DLGAP2: variants seen among roughly 807,000 people sequenced by gnomAD.
The protein encoded by DLGAP2 is DLG associated protein 2, also known as disks large-associated protein 2.
In DLGAP2, 26 loss-of-function variants were observed where a neutral mutation model predicts 100.3. The observed-to-expected ratio is 0.26, with a 90% CI of 0.19 to 0.36. DLGAP2 has a LOEUF of 0.36. Ranked by LOEUF, DLGAP2 falls within the 10% of genes least tolerant of loss-of-function variation. The probability of loss-of-function intolerance (pLI) is 1.00; values close to 1 mark genes in which losing one functional copy is unlikely to be tolerated. For synonymous variants in DLGAP2, 886 were observed against 630.1 expected (o/e 1.41, Z -6.08); for missense variants, 1,858 against 1,453.2 (o/e 1.28, Z -4.53).
intron 2 of DLGAP2, among the ~76,000 whole-genome samples, chr8:1,009,714 T>G (rs1801221123): frequency 6.6e-6 from 1 of 152,228 alleles, no homozygotes; most frequent in African/African-American, 2.4e-5. Context: ...AACCTTTTCC[T>G]TTCACCTGCT....
chr8:756,832 TAC>T lies in DLGAP2; in HGVS notation c.18+19013_18+19014del, dbSNP rs1448118566. On this transcript the variant is annotated intron_variant, in intron 1 of 14. Transcript: ENST00000637795. The stretch of plus-strand genomic sequence containing the variant: ...GGTCTCTCTCGGCTTGAAACCATCC[TAC>T]ACACAGCTGCCGGGATAATCTTTCT... Among the ~76,000 whole-genome samples, 5 of 152,286 alleles carry T rather than the reference TAC, an allele frequency of 3.3e-5. No individual in the cohort carries two copies. In the East Asian group the frequency reaches 9.7e-4, roughly 29 times the overall value.
At chr8:1,249,236 T>C (rs1283592159) in intron 2 of DLGAP2, among the ~76,000 whole-genome samples, 3 of 152,052 alleles carry the variant, frequency 2.0e-5, no homozygotes, top group Non-Finnish European at 4.4e-5. Context: ...TGGGAGCACA[T>C]TTCAGAAGCA....
intron 13 of DLGAP2, 76 bp downstream of exon 13, chr8:1,691,702 T>C: frequency 7.9e-7 from 1 of 1,273,200 alleles, no homozygotes; most frequent in East Asian, 2.4e-5. Flanking sequence ...CTCATTGTTT[T>C]CTTCCTTGTC....
chr8:738,538 C>T (rs1048393703), intron 1 of DLGAP2: 2 of 152,316 alleles, frequency 1.3e-5, no homozygotes, highest in Non-Finnish European at 2.9e-5. Context: ...ACTAAGCCTC[C>T]CCCGGCAGCG....
intron 2 of DLGAP2, among the ~76,000 whole-genome samples, chr8:1,116,707 G>A (rs573196904): frequency 6.6e-6 from 1 of 152,188 alleles, no homozygotes; most frequent in African/African-American, 2.4e-5. Context: ...TCTCAGAGGT[G>A]GAAGGATTGC....
intron 2 of DLGAP2, among the ~76,000 whole-genome samples, chr8:1,148,898 A>C (rs1447706116): frequency 6.6e-6 from 1 of 152,112 alleles, no homozygotes; most frequent in Non-Finnish European, 1.5e-5. Flanking sequence ...AAATTCTTTT[A>C]TTTCTGACTT....
At chr8:1,522,314 T>C (rs1172069574) in intron 4 of DLGAP2, among the ~76,000 whole-genome samples, 3 of 152,234 alleles carry the variant, frequency 2.0e-5, no homozygotes, top group African/African-American at 7.2e-5. Flanking sequence ...TGTGTTGAAA[T>C]ATGCCTTGTG....
At chr8:1,572,947 T>G (rs1298169014) in intron 6 of DLGAP2, among the ~76,000 whole-genome samples, 1 of 84,388 alleles carries the variant, frequency 1.2e-5, no homozygotes. Flanking sequence ...GGGTGAAGTA[T>G]TGGGGGCATC....
intron 4 of DLGAP2, among the ~76,000 whole-genome samples, chr8:1,526,904 C>T (rs1006074220): frequency 6.6e-6 from 1 of 152,196 alleles, no homozygotes; most frequent in Non-Finnish European, 1.5e-5. Context: ...GCTTTGCCAC[C>T]TTGGAGAGGA....
chr8:777,299 T>C (rs1821549379), intron 1 of DLGAP2, among the ~76,000 whole-genome samples: 1 of 151,078 alleles, frequency 6.6e-6, no homozygotes, highest in East Asian at 1.9e-4. Flanking sequence ...CTTGACTCTT[T>C]ATCCAATTTG....
intron 3 of DLGAP2, among the ~76,000 whole-genome samples, chr8:1,430,431 T>G (rs941758378): frequency 2.0e-5 from 3 of 152,194 alleles, no homozygotes; most frequent in African/African-American, 7.2e-5. Flanking sequence ...CAAGGTCGGT[T>G]TGATCAAATC....
intron 2 of DLGAP2, among the ~76,000 whole-genome samples, chr8:1,039,091 T>C (rs942888113): frequency 6.6e-6 from 1 of 152,190 alleles, no homozygotes; most frequent in East Asian, 1.9e-4. Flanking sequence ...AATCACCTCA[T>C]TGGAGCAAAC....
intron 2 of DLGAP2, among the ~76,000 whole-genome samples, chr8:1,243,706 A>T (rs7005156): frequency 2.0e-5 from 3 of 151,962 alleles, no homozygotes; most frequent in African/African-American, 7.3e-5. Context: ...CCGCTGCCTC[A>T]GTCATGCCCT....
chr8:883,316 T>C (rs1797849404), intron 1 of DLGAP2: 1 of 152,190 alleles, frequency 6.6e-6, no homozygotes, highest in Non-Finnish European at 1.5e-5. Context: ...TGAGGCACTG[T>C]ATGGCGGATA....
chr8:1,230,288 C>G (rs963519235), intron 2 of DLGAP2, among the ~76,000 whole-genome samples: 12 of 152,210 alleles, frequency 7.9e-5, no homozygotes, highest in African/African-American at 2.6e-4. Context: ...AATAAAATAC[C>G]TAGTAATACA....
intron 6 of DLGAP2, among the ~76,000 whole-genome samples, chr8:1,587,852 A>G (rs1316653569): frequency 3.9e-5 from 6 of 152,116 alleles, no homozygotes; most frequent in Non-Finnish European, 8.8e-5. Flanking sequence ...TCCATTTCTA[A>G]TTATATGAAG....
At chr8:1,371,689 C>T (rs1204960914) in intron 3 of DLGAP2, among the ~76,000 whole-genome samples, 1 of 152,206 alleles carries the variant, frequency 6.6e-6, no homozygotes, top group Non-Finnish European at 1.5e-5. Flanking sequence ...AACAGGACAT[C>T]TCAGGGCTGA....
intron 3 of DLGAP2, among the ~76,000 whole-genome samples, chr8:1,366,411 C>T (rs141681517): frequency 8.1e-4 from 124 of 152,296 alleles, no homozygotes; most frequent in African/African-American, 2.8e-3. Context: ...GTGAGAGAAC[C>T]AAGCGCACTG....
At chr8:1,254,980 T>TGCTGTGTCTGTGCTCTCTCCTGCCCGGCC (rs1799147476) in intron 2 of DLGAP2, among the ~76,000 whole-genome samples, 16 of 103,686 alleles carry the variant, frequency 1.5e-4, no homozygotes, top group African/African-American at 6.4e-4. Flanking sequence ...CCTGTCCGGG[T>TGCTGTGTCTGTGCTCTCTCCTGCCCGGCC]GCTGTGTGTG....
Sources: allele counts gnomAD v4.1 joint callset (sites outside exome capture counted in the v4.1 genomes callset), GRCh38; gene constraint gnomAD v4.1.1; transcripts MANE v1.5; gene names NCBI Gene and HGNC (gene_info 2026-07-23, HGNC 2026-07-21).